The following ROBO1 variants were observed in gnomAD, a reference collection of about 807,000 sequenced individuals.
ROBO1 encodes roundabout guidance receptor 1, also known as roundabout homolog 1.
ROBO1 carries 149 observed loss-of-function variants against 195.9 expected under a neutral mutation model. The ratio of observed to expected loss-of-function variants is 0.76; its 90% CI spans 0.67 to 0.87. ROBO1 has a LOEUF of 0.87. Among genes scored for constraint, ROBO1 ranks in the 40% least tolerant of loss-of-function variants. ROBO1 has a pLI of 0.00. For synonymous variants in ROBO1, 816 were observed against 733.2 expected, an observed-to-expected ratio of 1.11 and a Z score of -1.82; for missense variants, 1,933 against 2,068.3, an observed-to-expected ratio of 0.93 and a Z score of 1.27.
chr3:79,503,321 G>C (rs1462638109), intron 2 of ROBO1, among the ~76,000 whole-genome samples: 2 of 152,094 alleles, frequency 1.3e-5, no homozygotes, highest in South Asian at 2.1e-4. Context: ...AAGAAACTCC[G>C]AACACATGGG....
intron 2 of ROBO1, among the ~76,000 whole-genome samples, chr3:79,220,114 G>A (rs1285799851): frequency 6.6e-6 from 1 of 152,012 alleles, no homozygotes; most frequent in African/African-American, 2.4e-5. Flanking sequence ...GGGAATGTAT[G>A]CTTTTCTCTT....
At chr3:79,553,874 T>A (rs1459077510) in intron 2 of ROBO1, among the ~76,000 whole-genome samples, 1 of 152,086 alleles carries the variant, frequency 6.6e-6, no homozygotes, top group African/African-American at 2.4e-5. Context: ...TCTGGCTTTT[T>A]AAATATAAAT....
chr3:79,520,173 A>AG (rs1941149671), intron 2 of ROBO1, among the ~76,000 whole-genome samples: 1 of 144,150 alleles, frequency 6.9e-6, no homozygotes, highest in Non-Finnish European at 1.5e-5. Flanking sequence ...AAAAAAAAAA[A>AG]GAGAGAGAGA....
intron 3 of ROBO1, among the ~76,000 whole-genome samples, chr3:78,995,422 T>A (rs1350744386): frequency 6.6e-6 from 1 of 152,094 alleles, no homozygotes; most frequent in Non-Finnish European, 1.5e-5. Flanking sequence ...TCCACCTCCC[T>A]GGCACCATCT....
At chr3:79,331,527 T>G (rs2034437785) in intron 2 of ROBO1, among the ~76,000 whole-genome samples, 1 of 152,216 alleles carries the variant, frequency 6.6e-6, no homozygotes, top group Non-Finnish European at 1.5e-5. Flanking sequence ...CCTTTCAGCA[T>G]TCTGAATGAT....
chr3:79,745,403 C>T (rs1703831703), intron 1 of ROBO1, among the ~76,000 whole-genome samples: 1 of 152,094 alleles, frequency 6.6e-6, no homozygotes, highest in Admixed American at 6.6e-5. Context: ...AGGAGAAACA[C>T]ATTTATGTAA....
intron 1 of ROBO1, among the ~76,000 whole-genome samples, chr3:79,727,939 C>G (rs1702987931): frequency 6.6e-6 from 1 of 152,038 alleles, no homozygotes; most frequent in South Asian, 2.1e-4. Flanking sequence ...GTATAGCAAC[C>G]TGCTTTTTAT....
intron 4 of ROBO1, among the ~76,000 whole-genome samples, chr3:78,855,910 A>T (rs2106921875): frequency 6.6e-6 from 1 of 152,236 alleles, no homozygotes; most frequent in East Asian, 1.9e-4. Context: ...ATACTAACGG[A>T]AATGAAACCA....
intron 5 of ROBO1, among the ~76,000 whole-genome samples, chr3:78,727,574 G>A (rs1490776286): frequency 1.3e-5 from 2 of 152,238 alleles, no homozygotes; most frequent in East Asian, 1.9e-4. Context: ...GCAGTGAGCC[G>A]AGATCGAACC....
intron 2 of ROBO1, among the ~76,000 whole-genome samples, chr3:79,166,779 G>A (rs973374666): frequency 6.6e-6 from 1 of 151,926 alleles, no homozygotes; most frequent in Admixed American, 6.6e-5. Context: ...AAGTTAGCCA[G>A]GATGGTCTCG....
At chr3:79,158,235 T>C (rs139922102) in intron 2 of ROBO1, among the ~76,000 whole-genome samples, 2 of 151,610 alleles carry the variant, frequency 1.3e-5, no homozygotes, top group Admixed American at 1.3e-4. Flanking sequence ...CTGTAATCTA[T>C]CTGTTCTTGT....
At chr3:78,711,464 C>A (rs2081742097) in intron 8 of ROBO1, among the ~76,000 whole-genome samples, 2 of 129,212 alleles carry the variant, frequency 1.5e-5, no homozygotes, top group Admixed American at 8.3e-5. Context: ...TCCTTCCTTC[C>A]TTTTCTCTCT....
chr3:79,168,248 C>A (rs2081104798), intron 2 of ROBO1, among the ~76,000 whole-genome samples: 1 of 152,124 alleles, frequency 6.6e-6, no homozygotes, highest in African/African-American at 2.4e-5. Flanking sequence ...CAGCTTTAGT[C>A]ATCGCCCTGC....
chr3:79,200,808 A>G (rs2081748512), intron 2 of ROBO1, among the ~76,000 whole-genome samples: 1 of 152,008 alleles, frequency 6.6e-6, no homozygotes. Context: ...AGCTTAGTTC[A>G]AAAACATTTT....
intron 4 of ROBO1, among the ~76,000 whole-genome samples, chr3:78,823,832 C>T (rs2031295095): frequency 6.6e-6 from 1 of 152,190 alleles, no homozygotes; most frequent in East Asian, 1.9e-4. Context: ...TATGAACACC[C>T]TTTATCAGAG....
chr3:79,018,877 G>A, intron 3 of ROBO1: 1 of 1,002,944 alleles, frequency 1.0e-6, no homozygotes, highest in South Asian at 4.3e-5. Flanking sequence ...AAGTTGGGGT[G>A]TGAGAGCTGC....
intron 4 of ROBO1, among the ~76,000 whole-genome samples, chr3:78,928,058 G>C (rs1576414348): frequency 6.6e-6 from 1 of 152,168 alleles, no homozygotes; most frequent in African/African-American, 2.4e-5. Context: ...ACCTCTATTA[G>C]GTAAGCATAA....
At chr3:78,942,778 C>A (rs538752864) in intron 3 of ROBO1, among the ~76,000 whole-genome samples, 45 of 152,290 alleles carry the variant, frequency 3.0e-4, no homozygotes, top group African/African-American at 9.9e-4. Context: ...TGGCACACGC[C>A]TGTAGTGTGT....
chr3:78,795,351 G>A (rs911258369), intron 4 of ROBO1, among the ~76,000 whole-genome samples: 1 of 152,058 alleles, frequency 6.6e-6, no homozygotes, highest in African/African-American at 2.4e-5. Flanking sequence ...CAAAATTACG[G>A]CCTCCCCCTC....
Sources: allele counts gnomAD v4.1 joint callset (sites outside exome capture counted in the v4.1 genomes callset), GRCh38; gene constraint gnomAD v4.1.1; transcripts MANE v1.5; gene names NCBI Gene and HGNC (gene_info 2026-07-23, HGNC 2026-07-21).